CHIC1: variants seen among roughly 807,000 people sequenced by gnomAD.
CHIC1 encodes cysteine rich hydrophobic domain 1.
A neutral mutation model predicts 18.5 loss-of-function variants in CHIC1; 7 were observed. The observed-to-expected ratio is 0.38, with a 90% confidence interval of 0.22 to 0.71. The LOEUF (loss-of-function observed/expected upper bound fraction) is 0.71. CHIC1 is among the 30% of genes least tolerant of loss of function. The pLI, the probability that CHIC1 is intolerant of heterozygous loss-of-function variation, is 0.49. For synonymous variants in CHIC1, 77 were observed against 73.5 expected (o/e 1.05, Z -0.25); for missense variants, 159 against 176.9 (o/e 0.90, Z 0.57).
intron 3 of CHIC1, among the ~76,000 whole-genome samples, chrX:73,664,196 GT>G (rs2057993826): frequency 9.0e-6 from 1 of 111,658 alleles, no homozygotes; most frequent in African/African-American, 3.3e-5. Context: ...TACTTATGGG[GT>G]TGCTGTTTTT....
In CHIC1 at chrX:73,639,722, C is replaced by T. The variant is rs760291696; in HGVS notation, c.508-39604C>T. ...AGGAAAGTGGTCCAGTGTTTTGTAA[C>T]TCTTGTTGTAGAGGTCTTTCACCTC... On this transcript the variant is annotated intron_variant, in intron 3 of 5. Coordinates refer to ENST00000373502, the MANE Select transcript of CHIC1 (RefSeq NM_001039840.4). Among the ~76,000 whole-genome samples, 3 of 111,481 alleles carry T rather than the reference C, an allele frequency of 2.7e-5. No individual in the cohort carries two copies. The South Asian group carries it at 1.1e-3, about 42-fold the overall frequency.
rs139303573 is a variant in CHIC1 at position 73,586,859 on chromosome X, G to A, written c.507+2287G>A. On this transcript the variant is annotated intron_variant, in intron 3 of 5. Transcript: ENST00000373502. ...ACTGAATTTTAATTCTTTAGCAGTG[G>A]ATAGAAAACTTTTTCTTAAAGAACC... is the stretch of plus-strand genomic sequence containing the variant. 6.5e-3 allele frequency among the ~76,000 whole-genome samples: 723 copies of A among 111,980 alleles called. 8 individuals are homozygous for A. Among genetic ancestry groups the A allele is most frequent in the African/African-American group, 0.022 (677 of 30,945 alleles).
Position 73,681,048 on chromosome X carries a change from CCCTTAGTG to C in CHIC1, c.*48_*55del. On this transcript the variant is annotated 3_prime_UTR_variant, in exon 6 of 6. Transcript: ENST00000373502. ...CTTCTGTGTTACCTGTCATTTCCTA[CCCTTAGTG>C]CCTTGTAGATTTGGAATGAAGATGG... 3 of 785,760 alleles carry C rather than the reference CCCTTAGTG, an allele frequency of 3.8e-6. No homozygotes were observed. The highest frequency in any genetic ancestry group is 5.6e-6 in the Non-Finnish European group (3 of 540,468). 64.8% of individuals were successfully genotyped at this position (785,760 alleles called of 1,213,427 possible).
chrX:73,639,308 C>T (rs762649096), intron 3 of CHIC1, among the ~76,000 whole-genome samples: 3 of 111,797 alleles, frequency 2.7e-5, no homozygotes, highest in Admixed American at 9.5e-5. Context: ...TGCTTGGCCA[C>T]GTTTATGTCT....
chrX:73,662,900 G>C (rs2057987487), intron 3 of CHIC1, among the ~76,000 whole-genome samples: 2 of 111,519 alleles, frequency 1.8e-5, no homozygotes, highest in African/African-American at 6.5e-5. Flanking sequence ...TTTCCATTGG[G>C]GATCAAAGCT....
intron 3 of CHIC1, among the ~76,000 whole-genome samples, chrX:73,595,242 T>C (rs2057601592): frequency 9.0e-6 from 1 of 111,126 alleles, no homozygotes; most frequent in Non-Finnish European, 1.9e-5. Context: ...GTTACATAGC[T>C]ATACACGTGC....
intron 1 of CHIC1, among the ~76,000 whole-genome samples, chrX:73,567,940 C>G (rs186801132): frequency 8.6e-4 from 95 of 111,025 alleles, no homozygotes; most frequent in African/African-American, 3.0e-3. Context: ...TTTTTTTCCA[C>G]TAAATTGTAA....
intron 2 of CHIC1, among the ~76,000 whole-genome samples, chrX:73,580,726 T>A (rs780232763): frequency 9.0e-6 from 1 of 110,888 alleles, no homozygotes; most frequent in Admixed American, 9.6e-5. Context: ...TGAATAACTG[T>A]GATAGCTAAA....
At chrX:73,664,592 G>T (rs59227353) in intron 3 of CHIC1, among the ~76,000 whole-genome samples, 5 of 111,248 alleles carry the variant, frequency 4.5e-5, no homozygotes, top group African/African-American at 1.6e-4. Flanking sequence ...AATTGCCTGG[G>T]TTAACCAATT....
At chrX:73,641,913 T>A (rs1489301735) in intron 3 of CHIC1, among the ~76,000 whole-genome samples, 1 of 112,013 alleles carries the variant, frequency 8.9e-6, no homozygotes, top group Non-Finnish European at 1.9e-5. Context: ...TAATCCAGTC[T>A]ATCATTGTTG....
At chrX:73,624,238 T>C (rs1405017026) in intron 3 of CHIC1, among the ~76,000 whole-genome samples, 2 of 111,279 alleles carry the variant, frequency 1.8e-5, no homozygotes, top group Non-Finnish European at 3.8e-5. Context: ...TTTTCAAAAG[T>C]ACATTTTCTA....
At chrX:73,621,306 C>T (rs1045658304) in intron 3 of CHIC1, among the ~76,000 whole-genome samples, 16 of 112,160 alleles carry the variant, frequency 1.4e-4, no homozygotes, top group African/African-American at 5.2e-4. Flanking sequence ...GCCATTTTCA[C>T]AATATTGATT....
chrX:73,657,276 G>GGT (rs1158644912), intron 3 of CHIC1, among the ~76,000 whole-genome samples: 1 of 109,797 alleles, frequency 9.1e-6, no homozygotes, highest in African/African-American at 3.3e-5. Flanking sequence ...CAGCCAGGAT[G>GGT]GTCTTGATCC....
chrX:73,671,377 C>T (rs763657042), intron 3 of CHIC1, among the ~76,000 whole-genome samples: 4 of 111,918 alleles, frequency 3.6e-5, no homozygotes, highest in South Asian at 7.4e-4. Flanking sequence ...TCATTGAATA[C>T]GATTTTTATC....
At chrX:73,644,778 C>T (rs370964621) in intron 3 of CHIC1, among the ~76,000 whole-genome samples, 8 of 110,365 alleles carry the variant, frequency 7.2e-5, no homozygotes, top group Admixed American at 2.9e-4. Flanking sequence ...TTCCAGGTGC[C>T]GTCTGTCATC....
At position 73,679,638 on chromosome X, in the gene CHIC1, G is replaced by T. The variant is rs1411301124; in HGVS notation, c.565-16G>T. The T allele has an allele frequency of 3.7e-6, 4 of 1,071,394 alleles. No homozygotes were observed. Among genetic ancestry groups the T allele is most frequent in the Non-Finnish European group, 5.0e-6 (4 of 806,017 alleles). 88.3% of individuals were successfully genotyped at this position (1,071,394 alleles called of 1,213,427 possible). Reference sequence around the variant, plus strand: ...AAGTTAATATAAAAATTCTTAACAAGACTATACTTTCTTAGCTTGCTTTGC... The same window carrying T: ...AAGTTAATATAAAAATTCTTAACAATACTATACTTTCTTAGCTTGCTTTGC... On this transcript the variant is annotated splice_polypyrimidine_tract_variant and intron_variant, in intron 4 of 5. Coordinates refer to ENST00000373502, the MANE Select transcript of CHIC1 (RefSeq NM_001039840.4).
intron 3 of CHIC1, among the ~76,000 whole-genome samples, chrX:73,664,312 G>A (rs1414049313): frequency 9.0e-6 from 1 of 111,241 alleles, no homozygotes; most frequent in Non-Finnish European, 1.9e-5. Flanking sequence ...CTATTGGGGG[G>A]CATTCCCACT....
intron 1 of CHIC1, among the ~76,000 whole-genome samples, chrX:73,569,625 A>G (rs1346180388): frequency 9.0e-6 from 1 of 111,729 alleles, no homozygotes; most frequent in Non-Finnish European, 1.9e-5. Context: ...CATAATTCTT[A>G]ACTTAATGGT....
At chrX:73,650,757 G>A (rs1272885216) in intron 3 of CHIC1, among the ~76,000 whole-genome samples, 5 of 103,196 alleles carry the variant, frequency 4.8e-5, no homozygotes, top group African/African-American at 1.4e-4. Context: ...AAATCTACCA[G>A]AAGTACAAAG....
Sources: allele counts gnomAD v4.1 joint callset (sites outside exome capture counted in the v4.1 genomes callset), GRCh38; gene constraint gnomAD v4.1.1; transcripts MANE v1.5; gene names NCBI Gene and HGNC (gene_info 2026-07-23, HGNC 2026-07-21).